The following TBC1D22A variants were observed in gnomAD, a reference collection of about 807,000 sequenced individuals.
TBC1D22A encodes the protein TBC1 domain family member 22A, also known as putative GTPase activator.
Under a neutral mutation model 60.2 loss-of-function variants are expected in TBC1D22A, and 38 were observed. That is an observed-to-expected ratio of 0.63 (90% CI 0.49 to 0.83). The LOEUF (loss-of-function observed/expected upper bound fraction) is 0.83. Ranked by LOEUF, TBC1D22A falls within the 40% of genes least tolerant of loss-of-function variation. The pLI, the probability that TBC1D22A is intolerant of heterozygous loss-of-function variation, is 0.00. For synonymous variants in TBC1D22A, 302 were observed against 281.7 expected, an observed-to-expected ratio of 1.07 and a Z score of -0.72; for missense variants, 628 against 701.0, an observed-to-expected ratio of 0.90 and a Z score of 1.18.
At chr22:47,147,112 G>A (rs988983891) in intron 12 of TBC1D22A, among the ~76,000 whole-genome samples, 7 of 152,222 alleles carry the variant, frequency 4.6e-5, no homozygotes, top group African/African-American at 1.7e-4. Context: ...GGCGAGGGAG[G>A]AGCAGCGGCT....
At chr22:46,937,305 G>A (rs1363155492) in intron 8 of TBC1D22A, among the ~76,000 whole-genome samples, 3 of 152,244 alleles carry the variant, frequency 2.0e-5, no homozygotes, top group Middle Eastern at 3.4e-3. Context: ...ACAGTTCTGC[G>A]CCACATAATG....
intron 7 of TBC1D22A, among the ~76,000 whole-genome samples, chr22:46,910,717 C>G (rs994431392): frequency 1.3e-5 from 2 of 152,054 alleles, no homozygotes; most frequent in Admixed American, 6.5e-5. Context: ...CAGGTGGCAG[C>G]AGAGTCTTCA....
intron 9 of TBC1D22A, among the ~76,000 whole-genome samples, chr22:46,983,401 GT>G (rs1384012454): frequency 2.6e-5 from 4 of 152,226 alleles, no homozygotes; most frequent in African/African-American, 9.6e-5. Flanking sequence ...AGCTTTGATT[GT>G]AAGTACTTTT....
At chr22:46,808,934 T>C (rs2085267844) in intron 4 of TBC1D22A, among the ~76,000 whole-genome samples, 1 of 152,240 alleles carries the variant, frequency 6.6e-6, no homozygotes, top group Admixed American at 6.5e-5. Flanking sequence ...TATTGGAGGC[T>C]TTCTCTTGAA....
intron 11 of TBC1D22A, among the ~76,000 whole-genome samples, chr22:47,057,346 G>A (rs776138584): frequency 2.3e-4 from 35 of 152,246 alleles, no homozygotes; most frequent in Non-Finnish European, 4.0e-4. Context: ...CCACCGTCCC[G>A]CCTTCCCCTG....
chr22:46,988,836 G>A (rs2148197238), intron 9 of TBC1D22A, among the ~76,000 whole-genome samples: 2 of 152,326 alleles, frequency 1.3e-5, no homozygotes, highest in Admixed American at 1.3e-4. Flanking sequence ...GAGTCAGCTG[G>A]TCCTTCGAAG....
At chr22:46,926,082 G>A (rs2071032688) in intron 8 of TBC1D22A, among the ~76,000 whole-genome samples, 1 of 152,160 alleles carries the variant, frequency 6.6e-6, no homozygotes, top group Non-Finnish European at 1.5e-5. Flanking sequence ...GGTCAAAGAA[G>A]AAATCGTAAG....
At chr22:47,146,171 G>A (rs1037686238) in intron 12 of TBC1D22A, among the ~76,000 whole-genome samples, 9 of 149,328 alleles carry the variant, frequency 6.0e-5, no homozygotes, top group African/African-American at 1.5e-4. Flanking sequence ...ACTGGGGGCC[G>A]CGGCGCGGGG....
chr22:47,094,647 C>G (rs144662996), intron 11 of TBC1D22A, among the ~76,000 whole-genome samples: 1 of 152,166 alleles, frequency 6.6e-6, no homozygotes, highest in Non-Finnish European at 1.5e-5. Flanking sequence ...ATGACTGATA[C>G]ATCAACCAAA....
chr22:47,073,330 G>A (rs536765325), intron 11 of TBC1D22A, among the ~76,000 whole-genome samples: 4 of 152,278 alleles, frequency 2.6e-5, no homozygotes, highest in South Asian at 4.1e-4. Context: ...TGCCGCTGGC[G>A]GTTTCATTAA....
chr22:47,156,241 C>T (rs2067713084), intron 12 of TBC1D22A, among the ~76,000 whole-genome samples: 2 of 152,226 alleles, frequency 1.3e-5, no homozygotes, highest in South Asian at 2.1e-4. Context: ...GACTATCTGA[C>T]AGCAGTTCAG....
chr22:46,766,517 A>G (rs1451001965), intron 1 of TBC1D22A, among the ~76,000 whole-genome samples: 2 of 152,098 alleles, frequency 1.3e-5, no homozygotes, highest in Non-Finnish European at 2.9e-5. Context: ...AAGACTAGTA[A>G]GGGATCTTTC....
At position 47,028,389 on chromosome 22, in the gene TBC1D22A, C is replaced by G. The variant is rs1008918086; in HGVS notation, c.1202-8682C>G. Among the ~76,000 whole-genome samples the G allele has an allele frequency of 1.4e-5, 2 of 147,624 alleles. No individual in the cohort carries two copies. The highest frequency in any genetic ancestry group is 3.0e-5 in the Non-Finnish European group (2 of 67,328). On this transcript the variant is annotated intron_variant, in intron 10 of 12. Coordinates refer to ENST00000337137, the MANE Select transcript of TBC1D22A (RefSeq NM_014346.5). The surrounding 1 kb of genome is among the most constrained non-coding windows in gnomAD (Gnocchi z 4.4). ...AGAGTGAGTGGTCGCATTCCTGTCC[C>G]TCGGTCCCTGTCCCCCACGGCCCAG... is the stretch of plus-strand genomic sequence containing the variant.
At chr22:47,129,821 C>T (rs540633248) in intron 12 of TBC1D22A, among the ~76,000 whole-genome samples, 32 of 152,368 alleles carry the variant, frequency 2.1e-4, no homozygotes, top group Non-Finnish European at 2.4e-4. Flanking sequence ...CTCCTCACAC[C>T]GCCAGAGGCG....
At chr22:46,783,120 G>A (rs116289738) in intron 1 of TBC1D22A, among the ~76,000 whole-genome samples, 1,582 of 152,278 alleles carry the variant, frequency 0.01, 21 homozygotes, top group African/African-American at 0.035. Context: ...ACGCTTTAGC[G>A]TCTTTTTCAT....
intron 4 of TBC1D22A, among the ~76,000 whole-genome samples, chr22:46,864,211 T>C (rs999265623): frequency 3.9e-5 from 6 of 152,216 alleles, no homozygotes; most frequent in Admixed American, 1.3e-4. Flanking sequence ...AACTCTGTTA[T>C]GTTAATGATA....
intron 7 of TBC1D22A, among the ~76,000 whole-genome samples, chr22:46,907,794 C>T (rs559976703): frequency 4.6e-5 from 7 of 152,324 alleles, no homozygotes; most frequent in Admixed American, 2.0e-4. Context: ...CGGGGCAGTG[C>T]GGTGGAGGAG....
At chr22:46,862,462 T>C (rs1009638822) in intron 4 of TBC1D22A, among the ~76,000 whole-genome samples, 3 of 152,204 alleles carry the variant, frequency 2.0e-5, no homozygotes, top group Admixed American at 6.5e-5. Context: ...GCTTCTGTTC[T>C]CAGGGCATGT....
At chr22:47,123,396 T>C (rs1157162001) in intron 12 of TBC1D22A, among the ~76,000 whole-genome samples, 2 of 152,338 alleles carry the variant, frequency 1.3e-5, no homozygotes, top group Admixed American at 1.3e-4. Context: ...GCTGGCAGGA[T>C]GTTTGTGCAC....
Sources: gnomAD v4.1 joint callset for allele counts (sites outside exome capture counted in the v4.1 genomes callset) on GRCh38, gnomAD v4.1.1 for gene constraint, Gnocchi (gnomAD v3.1) non-coding constraint, MANE v1.5 for transcripts, NCBI Gene and HGNC (gene_info 2026-07-23, HGNC 2026-07-21) for gene names.